Variants in SCIN observed in about 807,000 individuals in gnomAD.
SCIN encodes scinderin.
A neutral mutation model predicts 91.8 loss-of-function variants in SCIN; 91 were observed. The observed-to-expected ratio is 0.99, with a 90% CI of 0.84 to 1.18. The LOEUF is 1.18. SCIN is among the 50% of genes most tolerant of loss of function. SCIN has a pLI of 0.00. For missense variants in SCIN, 1,087 were observed against 863.9 expected, an observed-to-expected ratio of 1.26 and a Z score of -3.24; for synonymous variants, 367 against 312.6, an observed-to-expected ratio of 1.17 and a Z score of -1.84.
intron 3 of SCIN, among the ~76,000 whole-genome samples, chr7:12,602,848 A>G (rs1276148827): frequency 1.3e-5 from 2 of 152,152 alleles, no homozygotes; most frequent in South Asian, 2.1e-4. Context: ...TTTACAATCA[A>G]TTTGTACAGT....
chr7:12,600,911 T>C (rs953362950), intron 3 of SCIN, among the ~76,000 whole-genome samples: 1 of 152,210 alleles, frequency 6.6e-6, no homozygotes, highest in Admixed American at 6.5e-5. Flanking sequence ...CCTTTATTTT[T>C]ACTCTTTGTA....
rs776973589 is a variant in SCIN at position 12,570,865 on chromosome 7, C to G, written c.79C>G (p.Leu27Val). 14 of 1,551,518 alleles carry G rather than the reference C, an allele frequency of 9.0e-6. No individual in the cohort carries two copies. The highest frequency in any genetic ancestry group is 1.2e-5 in the Non-Finnish European group (14 of 1,146,992). Residue 27 changes from leucine to valine, a missense_variant, in exon 1 of 16, where the codon CTG (leucine) becomes GTG (valine). Leu to Val is a conservative substitution (Grantham distance 32). Transcript: ENST00000297029. ...GCTGCAGGTCTGGAGGATTGAGAAG[C>G]TGGAGCTGGTGCCCGTGCCCCAGAG... ...AGLQVWRIEK[L>V]ELVPVPQSAH...
rs764354553 is a variant in SCIN at position 12,651,916 on chromosome 7, T to G, written c.2020+15T>G. On this transcript the variant is annotated intron_variant, in intron 15 of 15. Coordinates refer to ENST00000297029, the MANE Select transcript of SCIN (RefSeq NM_001112706.3). The surrounding 1 kb of genome is among the most constrained non-coding windows in gnomAD (Gnocchi z 5.9). ...TCTGAAGTCTGGTAAGCTCAATCGA[T>G]GGACCATTATAGCAGTAACCGGGCA... 3.8e-6 allele frequency: 6 copies of G among 1,581,872 alleles called. No individual in the cohort carries two copies. Among genetic ancestry groups the G allele is most frequent in the African/African-American group, 1.3e-5 (1 of 74,360 alleles).
At chr7:12,610,575 G>A (rs1444830263) in intron 4 of SCIN, among the ~76,000 whole-genome samples, 1 of 152,138 alleles carries the variant, frequency 6.6e-6, no homozygotes, top group Non-Finnish European at 1.5e-5. Flanking sequence ...AACTAAGTAT[G>A]CTTGTTTTTC....
At chr7:12,614,385 C>T (rs1289898834) in intron 4 of SCIN, among the ~76,000 whole-genome samples, 5 of 152,250 alleles carry the variant, frequency 3.3e-5, no homozygotes, top group African/African-American at 1.2e-4. Flanking sequence ...CAGTGCTAAC[C>T]ATAGAAGAGG....
At chr7:12,594,986 G>A (rs1782809154) in intron 3 of SCIN, among the ~76,000 whole-genome samples, 1 of 152,090 alleles carries the variant, frequency 6.6e-6, no homozygotes. Flanking sequence ...GAGATCCTTA[G>A]GGTCTTTAGC....
intron 9 of SCIN, among the ~76,000 whole-genome samples, chr7:12,633,706 A>G (rs1009656688): frequency 6.6e-6 from 1 of 152,196 alleles, no homozygotes; most frequent in African/African-American, 2.4e-5. Flanking sequence ...GAAAGCAGAC[A>G]TTTTTAACAG....
At position 12,582,939 on chromosome 7, in the gene SCIN, G is replaced by A. The variant is rs997763588; in HGVS notation, c.516+1718G>A. Among the ~76,000 whole-genome samples the A allele has an allele frequency of 1.3e-5, 2 of 151,830 alleles. 1 individual carries two copies. The highest frequency in any genetic ancestry group is 1.3e-4 in the Admixed American group (2 of 15,242). On this transcript the variant is annotated intron_variant, in intron 3 of 15. Coordinates refer to ENST00000297029, the MANE Select transcript of SCIN (RefSeq NM_001112706.3). Reference sequence around the variant, plus strand: ...TATAAGTGCTTTTGAAAATAAAATGGCATTTTTATTAGAAAAAGGAGACCT... The same window carrying A: ...TATAAGTGCTTTTGAAAATAAAATGACATTTTTATTAGAAAAAGGAGACCT...
chr7:12,626,849 A>T, intron 8 of SCIN, 50 bp downstream of exon 8: 180 of 1,331,092 alleles, frequency 1.4e-4, no homozygotes, highest in Middle Eastern at 1.8e-4. Context: ...CAGTGTATGT[A>T]GGGGGAGGGT....
intron 3 of SCIN, among the ~76,000 whole-genome samples, chr7:12,600,998 G>A: frequency 6.6e-6 from 1 of 152,086 alleles, no homozygotes; most frequent in South Asian, 2.1e-4. Flanking sequence ...GTAGAAAAGA[G>A]GTTAAAAAGA....
At chr7:12,652,466 C>A in intron 15 of SCIN, 122 bp from the exon 16 acceptor site, 1 of 851,898 alleles carries the variant, frequency 1.2e-6, no homozygotes, top group Non-Finnish European at 1.8e-6. Flanking sequence ...TCAATGTAGC[C>A]AATATTTATT....
chr7:12,621,637 G>GTTTTTTTTTTTTTTTTTTTTT (rs60697843), intron 4 of SCIN, among the ~76,000 whole-genome samples: 23 of 106,386 alleles, frequency 2.2e-4, no homozygotes, highest in African/African-American at 3.6e-4. Context: ...AAGTGTTTTA[G>GTTTTTTTTTTTTTTTTTTTTT]TTTTTTTTTT....
intron 2 of SCIN, 112 bp downstream of exon 2, chr7:12,578,330 G>A: frequency 1.0e-6 from 1 of 987,830 alleles, no homozygotes; most frequent in Non-Finnish European, 1.4e-6. Flanking sequence ...TGTTTTATTT[G>A]CTTTTGTTTT....
chr7:12,598,770 G>T (rs186736384), intron 3 of SCIN, among the ~76,000 whole-genome samples: 2 of 152,032 alleles, frequency 1.3e-5, no homozygotes, highest in Non-Finnish European at 2.9e-5. Context: ...TTCGCTAGGC[G>T]TGGTGGCACA....
At chr7:12,628,036 TG>T (rs1783565614) in intron 8 of SCIN, among the ~76,000 whole-genome samples, 1 of 58,556 alleles carries the variant, frequency 1.7e-5, no homozygotes, top group Non-Finnish European at 3.5e-5. Flanking sequence ...TGCGCGCGTG[TG>T]TGTGTGTGTG....
chr7:12,607,766 G>GT (rs1783108116), intron 4 of SCIN, among the ~76,000 whole-genome samples: 1 of 152,218 alleles, frequency 6.6e-6, no homozygotes, highest in Admixed American at 6.5e-5. Flanking sequence ...TTTTGGAAAT[G>GT]TAGTTTTGTA....
chr7:12,650,914 G>T (rs555907928), intron 14 of SCIN, among the ~76,000 whole-genome samples: 4 of 152,230 alleles, frequency 2.6e-5, no homozygotes, highest in South Asian at 2.1e-4. Flanking sequence ...TCTACATGTG[G>T]TCTCTTCCAG....
In SCIN at chr7:12,637,787, G is replaced by A. The variant is rs570456714; in HGVS notation, c.1410+1652G>A. Among the ~76,000 whole-genome samples, 5 of 152,248 alleles carry A rather than the reference G, an allele frequency of 3.3e-5. No individual in the cohort carries two copies. In the East Asian group the frequency reaches 9.7e-4, roughly 29 times the overall value. On this transcript the variant is annotated intron_variant, in intron 10 of 15. Coordinates refer to ENST00000297029, the MANE Select transcript of SCIN (RefSeq NM_001112706.3). ...TCCAAATTCAAAATGAAAATTTCAT[G>A]TAATTATAAATGAGTCAACTTTTTA... is the stretch of plus-strand genomic sequence containing the variant.
At chr7:12,632,250 C>T (rs1783662033) in intron 9 of SCIN, among the ~76,000 whole-genome samples, 2 of 151,912 alleles carry the variant, frequency 1.3e-5, no homozygotes, top group South Asian at 4.1e-4. Context: ...CCTGCCTCAG[C>T]CTCCCGAGTA....
Sources: allele counts gnomAD v4.1 joint callset (sites outside exome capture counted in the v4.1 genomes callset), GRCh38; gene constraint gnomAD v4.1.1; non-coding constraint Gnocchi (gnomAD v3.1); transcripts MANE v1.5; gene names NCBI Gene and HGNC (gene_info 2026-07-23, HGNC 2026-07-21).